The following MIER3 variants were observed in gnomAD, a reference collection of about 807,000 sequenced individuals.
The protein encoded by MIER3 is mesoderm induction early response protein 3.
A neutral mutation model predicts 63.2 loss-of-function variants in MIER3; 9 were observed. The observed-to-expected ratio is 0.14, with a 90% CI of 0.09 to 0.25. The LOEUF (loss-of-function observed/expected upper bound fraction) is 0.25. Among genes scored for constraint, MIER3 ranks in the 10% least tolerant of loss-of-function variants. The pLI, the probability that MIER3 is intolerant of heterozygous loss-of-function variation, is 1.00. For synonymous variants in MIER3, 205 were observed against 224.9 expected, an observed-to-expected ratio of 0.91 and a Z score of 0.79; for missense variants, 512 against 666.2, an observed-to-expected ratio of 0.77 and a Z score of 2.55.
Position 56,939,201 on chromosome 5 carries a change from T to A in MIER3, c.181-184A>T, listed in dbSNP as rs1750556131. Among the ~76,000 whole-genome samples the A allele has an allele frequency of 2.6e-5, 4 of 152,256 alleles. No homozygotes were observed. The South Asian group carries it at 8.3e-4, about 32-fold the overall frequency. On this transcript the variant is annotated intron_variant, in intron 3 of 12. Transcript: ENST00000381199. The stretch of plus-strand genomic sequence containing the variant: ...AGGACCAAACACCTGGAGCTATAAT[T>A]AATGTATAAACAACAGCCTAACAAT...
rs751759993 is a variant in MIER3 at position 56,950,596 on chromosome 5, A to G, written c.34+32T>C. ...CTTTGAGCCCACATTACCCACTGGG[A>G]ACCACCGAAGACGTAAGAAAATAGG... On this transcript the variant is annotated intron_variant, in intron 2 of 12. Coordinates refer to ENST00000381199, the MANE Select transcript of MIER3 (RefSeq NM_001297599.2). 3.1e-6 allele frequency: 5 copies of G among 1,613,122 alleles called. No individual in the cohort carries two copies. In the South Asian group the frequency reaches 4.4e-5, roughly 14 times the overall value.
At chr5:56,945,492 G>T (rs183041063) in intron 3 of MIER3, among the ~76,000 whole-genome samples, 1 of 151,918 alleles carries the variant, frequency 6.6e-6, no homozygotes, top group Non-Finnish European at 1.5e-5. Context: ...TATAAATCTA[G>T]GTCTATTAAA....
intron 8 of MIER3, among the ~76,000 whole-genome samples, chr5:56,932,825 C>A (rs1750317183): frequency 6.6e-6 from 1 of 151,882 alleles, no homozygotes; most frequent in Non-Finnish European, 1.5e-5. Flanking sequence ...AAAAGTCCAA[C>A]CACAGAGAAT....
chr5:56,920,281 G>T lies in MIER3; in HGVS notation c.*2847C>A, dbSNP rs1216897018. 6.6e-6 allele frequency: 1 copy of T among 152,526 alleles called. No individual in the cohort carries two copies. The allele number at this position is 152,526 out of a possible 1,614,324, so 9.4% of individuals were successfully genotyped here. ...ACATTTAAAAAGCTAGCATGAAAAA[G>T]ATGAAGTACAACTAACAAATGTATT... On this transcript the variant is annotated 3_prime_UTR_variant, in exon 13 of 13. Coordinates refer to ENST00000381199, the MANE Select transcript of MIER3 (RefSeq NM_001297599.2).
In MIER3 at chr5:56,933,284, C is replaced by T. The variant is rs1370019791; in HGVS notation, c.710G>A (p.Arg237Lys). The part of the protein sequence containing the change: ...LRTGSEKIMD[R>K]ISAGTHTRDN... ...CCTTGTGTGTGTTCCTGCAGAAATC[C>T]TATCCATTATTTTTTCACTGCCAGT... The change falls in exon 8 of 13, where the codon AGG (arginine) becomes AAG (lysine). Residue 237 changes from arginine (R) to lysine (K), a missense_variant. Arg to Lys is a conservative substitution (Grantham distance 26). Coordinates refer to ENST00000381199, the MANE Select transcript of MIER3 (RefSeq NM_001297599.2). The T allele has an allele frequency of 6.2e-7, 1 of 1,612,406 alleles. No individual in the cohort carries two copies. Among genetic ancestry groups the T allele is most frequent in the Non-Finnish European group, 8.5e-7 (1 of 1,179,284 alleles).
chr5:56,931,441 CT>C (rs1750262990), intron 8 of MIER3, among the ~76,000 whole-genome samples: 1 of 152,044 alleles, frequency 6.6e-6, no homozygotes, highest in Admixed American at 6.6e-5. Context: ...GCTAATTACC[CT>C]GATCTGATCA....
At chr5:56,934,846 G>T (rs575361953) in intron 7 of MIER3, among the ~76,000 whole-genome samples, 2 of 152,254 alleles carry the variant, frequency 1.3e-5, no homozygotes, top group South Asian at 4.1e-4. Context: ...GTTCAACTAA[G>T]AAGGTTTACC....
intron 3 of MIER3, among the ~76,000 whole-genome samples, chr5:56,939,599 G>C (rs1396804692): frequency 1.3e-5 from 2 of 152,006 alleles, no homozygotes; most frequent in African/African-American, 2.4e-5. Context: ...CATTTCACAG[G>C]TGAGAAAACT....
chr5:56,932,472 T>C (rs368234166), intron 8 of MIER3, among the ~76,000 whole-genome samples: 12 of 152,344 alleles, frequency 7.9e-5, no homozygotes, highest in African/African-American at 2.9e-4. Context: ...GGATTTCTTT[T>C]TGACAGCTAG....
rs546004148 is a variant in MIER3 at position 56,948,435 on chromosome 5, G to T, written c.35-1364C>A. On this transcript the variant is annotated intron_variant, in intron 2 of 12. Coordinates refer to ENST00000381199, the MANE Select transcript of MIER3 (RefSeq NM_001297599.2). Reference sequence around the variant, plus strand: ...TCCCAGCACTTTGGGAGGCCGAAGTGGGGGGATCACCTGAGGTCAGGAGTT... The same window carrying T: ...TCCCAGCACTTTGGGAGGCCGAAGTTGGGGGATCACCTGAGGTCAGGAGTT... Among the ~76,000 whole-genome samples, 8 of 152,156 alleles carry T rather than the reference G, an allele frequency of 5.3e-5. No individual in the cohort carries two copies. The South Asian group carries it at 6.2e-4, about 12-fold the overall frequency.
At chr5:56,935,376 C>T (rs547304167) in intron 7 of MIER3, 52 bp downstream of exon 7, 43 of 1,334,440 alleles carry the variant, frequency 3.2e-5, no homozygotes, top group Non-Finnish European at 4.4e-5. Flanking sequence ...ATACACTTAT[C>T]AAGTGGTAAC....
intron 2 of MIER3, among the ~76,000 whole-genome samples, chr5:56,949,923 A>G (rs777144635): frequency 2.0e-5 from 3 of 152,214 alleles, no homozygotes; most frequent in Non-Finnish European, 2.9e-5. Flanking sequence ...GTCCTTATGG[A>G]CCTGCTACAG....
chr5:56,923,135 G>A lies in MIER3; in HGVS notation c.1646C>T (p.Ser549Phe), dbSNP rs757870396. The A allele has an allele frequency of 3.7e-6, 6 of 1,612,724 alleles. No homozygotes were observed. In the South Asian group the frequency reaches 6.6e-5, roughly 18 times the overall value. Residue 549 changes from serine (S) to phenylalanine (F), a missense_variant, in exon 13 of 13, where the codon TCT becomes TTT. Physicochemically the swap from Ser to Phe is radical, Grantham distance 155. This residue lies in a region of MIER3 where 218 missense variants were observed against 251.2 expected (regional missense o/e 0.87). Coordinates refer to ENST00000381199, the MANE Select transcript of MIER3 (RefSeq NM_001297599.2). Reference protein sequence around the residue: ...HALHQHAALHSE With the variant: ...HALHQHAALHFE ...CCGGGATCCTCACTCAGGTCACTCA[G>A]AGTGTAGGGCCGCGTGCTGATGCAG...
intron 1 of MIER3, among the ~76,000 whole-genome samples, chr5:56,951,732 C>A: frequency 7.2e-6 from 1 of 138,576 alleles, no homozygotes; most frequent in East Asian, 2.0e-4. Flanking sequence ...CCCACCCGGG[C>A]CCGGGGAAGA....
intron 10 of MIER3, chr5:56,928,452 T>C (rs2112090056): frequency 5.6e-6 from 1 of 179,764 alleles, no homozygotes; most frequent in Middle Eastern, 2.4e-3. Flanking sequence ...AGAAATTATT[T>C]TGAGGCCACA....
In MIER3 at chr5:56,921,648, C is replaced by T. The variant is rs1044118130; in HGVS notation, c.*1480G>A. On this transcript the variant is annotated 3_prime_UTR_variant, in exon 13 of 13. Transcript: ENST00000381199. ...CCTCCCTTTCAATCACTACTAAGAT[C>T]ACTACATCCTATCTACTCATCAGCA... is the stretch of plus-strand genomic sequence containing the variant. 1 of 152,620 alleles carries T rather than the reference C, an allele frequency of 6.6e-6. No individual in the cohort carries two copies. The highest frequency in any genetic ancestry group is 1.5e-5 in the Non-Finnish European group (1 of 68,012). 9.5% of individuals were successfully genotyped at this position (152,620 alleles called of 1,614,324 possible). A position where few individuals can be genotyped will look rare whatever the true frequency, so the allele number is the denominator to read the frequency against.
chr5:56,924,716 C>T (rs1473488522), intron 10 of MIER3, among the ~76,000 whole-genome samples: 1 of 152,152 alleles, frequency 6.6e-6, no homozygotes, highest in Non-Finnish European at 1.5e-5. Context: ...CACACCCAAA[C>T]CAGGGTTCCT....
intron 8 of MIER3, among the ~76,000 whole-genome samples, chr5:56,931,527 A>G (rs1750267053): frequency 6.6e-6 from 1 of 152,044 alleles, no homozygotes; most frequent in East Asian, 1.9e-4. Flanking sequence ...AAAAAATCAA[A>G]TCAACAGCTG....
chr5:56,928,890 G>C, intron 9 of MIER3, 29 bp from the exon 10 acceptor site: 1 of 1,540,532 alleles, frequency 6.5e-7, no homozygotes, highest in South Asian at 1.2e-5. Flanking sequence ...TAAAATTTAT[G>C]GGCCCCCAAA....
Sources: gnomAD v4.1 joint callset for allele counts (sites outside exome capture counted in the v4.1 genomes callset) on GRCh38, gnomAD v4.1.1 for gene constraint, gnomAD v4.1.1 regional missense constraint, MANE v1.5 for transcripts, NCBI Gene and HGNC (gene_info 2026-07-23, HGNC 2026-07-21) for gene names.